MPP7: variants seen among roughly 807,000 people sequenced by gnomAD.
MPP7 encodes the protein MAGUK p55 scaffold protein 7.
MPP7 carries 60 observed loss-of-function variants against 76.5 expected under a neutral mutation model. The ratio of observed to expected loss-of-function variants is 0.78; its 90% CI spans 0.64 to 0.97. MPP7 has a LOEUF of 0.97. MPP7 is among the 50% of genes least tolerant of loss of function. The pLI is 0.00. For synonymous variants in MPP7, 237 were observed against 244.5 expected, an observed-to-expected ratio of 0.97 and a Z score of 0.29; for missense variants, 641 against 694.0, an observed-to-expected ratio of 0.92 and a Z score of 0.86.
intron 12 of MPP7, among the ~76,000 whole-genome samples, chr10:28,079,918 TCCAGA>T (rs781212652): frequency 1.8e-4 from 27 of 152,038 alleles, no homozygotes; most frequent in Non-Finnish European, 3.2e-4. Flanking sequence ...GGTCAGGAGT[TCCAGA>T]CCAGCCTGGC....
chr10:28,261,185 A>T (rs1839938565), intron 1 of MPP7, among the ~76,000 whole-genome samples: 2 of 152,214 alleles, frequency 1.3e-5, no homozygotes, highest in African/African-American at 2.4e-5. Flanking sequence ...GCAAAAGTAG[A>T]TCCTACACAC....
chr10:28,126,004 C>A (rs2477345), intron 6 of MPP7, among the ~76,000 whole-genome samples: 76,319 of 152,054 alleles, frequency 0.5, 22,688 homozygotes, highest in Non-Finnish European at 0.68. Flanking sequence ...CAGCAGAATT[C>A]ATCCAAAAGA....
chr10:28,243,961 A>G (rs1050917613), intron 1 of MPP7, among the ~76,000 whole-genome samples: 1 of 152,228 alleles, frequency 6.6e-6, no homozygotes, highest in Admixed American at 6.5e-5. Context: ...AGCCTTCAAT[A>G]ATTTTTAAGA....
intron 2 of MPP7, among the ~76,000 whole-genome samples, chr10:28,237,383 C>T (rs924704135): frequency 3.9e-5 from 6 of 151,922 alleles, no homozygotes; most frequent in Non-Finnish European, 8.8e-5. Flanking sequence ...AAGTTAAGGT[C>T]TTGAGAAAGA....
intron 1 of MPP7, among the ~76,000 whole-genome samples, chr10:28,274,053 G>A (rs1056877191): frequency 6.6e-6 from 1 of 151,614 alleles, no homozygotes; most frequent in Non-Finnish European, 1.5e-5. Context: ...TGAGTCCAGG[G>A]GTTCAAGACC....
intron 3 of MPP7, among the ~76,000 whole-genome samples, chr10:28,159,700 C>T (rs1349063439): frequency 6.6e-6 from 1 of 152,206 alleles, no homozygotes; most frequent in Non-Finnish European, 1.5e-5. Flanking sequence ...CAAAACTCTG[C>T]AGCTGATACT....
In MPP7 at chr10:28,280,982, T is replaced by A. The variant is rs75132336; in HGVS notation, c.-132+21879A>T. On this transcript the variant is annotated intron_variant, in intron 1 of 16. Transcript: ENST00000683449. ...AACAAGAGTAATGGAAAATACCATA[T>A]ACAGGCCTCAATATGACAGGCTTTG... Among the ~76,000 whole-genome samples the A allele has an allele frequency of 5.4e-3, 816 of 152,188 alleles. 18 individuals are homozygous for A. Among genetic ancestry groups the A allele is most frequent in the African/African-American group, 0.019 (798 of 41,446 alleles).
chr10:28,265,249 G>T (rs1840111699), intron 1 of MPP7, among the ~76,000 whole-genome samples: 1 of 152,224 alleles, frequency 6.6e-6, no homozygotes, highest in African/African-American at 2.4e-5. Flanking sequence ...ACAGAATTAT[G>T]AGCTCAGCTC....
rs1307019726 is a variant in MPP7, at chr10:28,066,592, T to A, written c.1204+3180A>T. The stretch of plus-strand genomic sequence containing the variant: ...TGAGTATTATACAATAACTGATATA[T>A]ATACACATAAAAGTGTTTAACACCC... On this transcript the variant is annotated intron_variant, in intron 13 of 16. Transcript: ENST00000683449. Among the ~76,000 whole-genome samples, 6 of 152,302 alleles carry A rather than the reference T, an allele frequency of 3.9e-5. No individual in the cohort carries two copies. The East Asian group carries it at 1.2e-3, about 29-fold the overall frequency.
chr10:28,136,215 GTAA>G (rs2133702086), intron 5 of MPP7, among the ~76,000 whole-genome samples: 1 of 151,918 alleles, frequency 6.6e-6, no homozygotes, highest in South Asian at 2.1e-4. Context: ...TGGTGATTAT[GTAA>G]TAATAATAGA....
intron 1 of MPP7, among the ~76,000 whole-genome samples, chr10:28,251,908 T>A (rs1441264860): frequency 1.3e-5 from 2 of 151,758 alleles, no homozygotes; most frequent in Non-Finnish European, 2.9e-5. Context: ...TATGTATACT[T>A]AACAACAACA....
intron 12 of MPP7, among the ~76,000 whole-genome samples, chr10:28,085,187 T>C (rs1234944556): frequency 2.6e-5 from 4 of 152,202 alleles, no homozygotes; most frequent in African/African-American, 9.7e-5. Context: ...GAAGTAGGGT[T>C]CTGGTGTCCA....
Position 28,061,362 on chromosome 10 carries a change from AAAAC to A in MPP7, c.1205-1623_1205-1620del, listed in dbSNP as rs1342908719. Reference sequence around the variant, plus strand: ...CAGAAGAACAGAAACTATAAAGAAAAAAACAAATAGAAATTGTAGAAATGAAAAA... The same window carrying A: ...CAGAAGAACAGAAACTATAAAGAAAAAAATAGAAATTGTAGAAATGAAAAA... On this transcript the variant is annotated intron_variant, in intron 13 of 16. Transcript: ENST00000683449. Among the ~76,000 whole-genome samples the A allele has an allele frequency of 2.6e-5, 4 of 152,188 alleles. 1 individual carries two copies. Among genetic ancestry groups the A allele is most frequent in the Admixed American group, 2.6e-4 (4 of 15,290 alleles).
chr10:28,172,082 G>C (rs1004771231), intron 3 of MPP7, among the ~76,000 whole-genome samples: 4 of 152,146 alleles, frequency 2.6e-5, no homozygotes, highest in African/African-American at 9.7e-5. Context: ...GCCAGGTCTA[G>C]GATGATGCAA....
intron 2 of MPP7, among the ~76,000 whole-genome samples, chr10:28,210,387 T>G (rs1207497948): frequency 6.6e-6 from 1 of 152,206 alleles, no homozygotes. Context: ...GGGATGTATA[T>G]TATAATATCT....
intron 1 of MPP7, among the ~76,000 whole-genome samples, chr10:28,288,340 A>G (rs1387006286): frequency 6.6e-6 from 1 of 152,146 alleles, no homozygotes; most frequent in Non-Finnish European, 1.5e-5. Context: ...CCTGGGCTCA[A>G]GCAATCCTCC....
At chr10:28,284,920 A>C (rs962558872) in intron 1 of MPP7, among the ~76,000 whole-genome samples, 19 of 152,212 alleles carry the variant, frequency 1.2e-4, no homozygotes, top group African/African-American at 4.1e-4. Flanking sequence ...CAGCCCCAAG[A>C]TGTCTCAGCC....
At chr10:28,316,435 T>TA (rs549621404) in intron 2 of MPP7, among the ~76,000 whole-genome samples, 551 of 37,148 alleles carry the variant, frequency 0.015, 97 homozygotes, top group Non-Finnish European at 0.022. Context: ...ACTCTGTCTT[T>TA]AAAAAAAAAA....
chr10:28,163,122 T>C (rs1021892213), intron 3 of MPP7, among the ~76,000 whole-genome samples: 7 of 152,242 alleles, frequency 4.6e-5, no homozygotes, highest in Admixed American at 2.6e-4. Flanking sequence ...GAGGAAGGCA[T>C]GAATCCACCC....
Sources: allele counts gnomAD v4.1 joint callset (sites outside exome capture counted in the v4.1 genomes callset), GRCh38; gene constraint gnomAD v4.1.1; transcripts MANE v1.5; gene names NCBI Gene and HGNC (gene_info 2026-07-23, HGNC 2026-07-21).